Variants in POR observed in about 807,000 individuals in gnomAD.
POR encodes the protein cytochrome p450 oxidoreductase.
In POR, 56 loss-of-function variants were observed where a neutral mutation model predicts 84.0. The ratio of observed to expected loss-of-function variants is 0.67; its 90% CI spans 0.54 to 0.83. The LOEUF (loss-of-function observed/expected upper bound fraction) is 0.83, where lower values mean the gene tolerates loss of function less well. Ranked by LOEUF, POR falls within the 40% of genes least tolerant of loss-of-function variation. POR has a pLI of 0.00. For missense variants in POR, 938 were observed against 944.3 expected, an observed-to-expected ratio of 0.99 and a Z score of 0.09; for synonymous variants, 414 against 400.5, an observed-to-expected ratio of 1.03 and a Z score of -0.40.
At chr7:75,960,292 A>AAATAATAAT (rs142864869) in intron 2 of POR, among the ~76,000 whole-genome samples, 12 of 149,010 alleles carry the variant, frequency 8.1e-5, no homozygotes, top group East Asian at 5.9e-4. Context: ...CCCCCTCTCA[A>AAATAATAAT]AATAATAATA....
intron 2 of POR, among the ~76,000 whole-genome samples, chr7:75,956,359 C>T (rs1787684369): frequency 6.6e-6 from 1 of 152,178 alleles, no homozygotes; most frequent in Non-Finnish European, 1.5e-5. Context: ...ACTGAGCAAA[C>T]ATTTCCTGAG....
In POR at chr7:75,954,052, C is replaced by T. The variant is rs782030124; in HGVS notation, c.60C>T (p.Ala20=). 26 of 1,611,066 alleles carry T rather than the reference C, an allele frequency of 1.6e-5. No individual in the cohort carries two copies. Among genetic ancestry groups the T allele is most frequent in the East Asian group, 4.5e-5 (2 of 44,812 alleles). The change falls in exon 2 of 16, where the codon GCC becomes GCT. Residue 20 remains alanine, a synonymous_variant. Transcript: ENST00000461988. ...GCTCCACCGTGTCCGAGGCGGTGGC[C>T]GAAGAAGTATCTCTTTTCAGCATGA...
At chr7:75,942,952 TC>T (rs1262103444) in intron 1 of POR, among the ~76,000 whole-genome samples, 2 of 147,942 alleles carry the variant, frequency 1.4e-5, no homozygotes, top group Non-Finnish European at 2.9e-5. Context: ...TTTTTCTTTT[TC>T]TTTTTTTTTT....
At position 75,979,915 on chromosome 7, in the gene POR, G is replaced by A. The variant is rs41299487; in HGVS notation, c.366+336G>A. ...CCCTCTCCTTCGAGGTCTTGGTGAC[G>A]GGCACTACCCCACAGCCCTCTCCAG... On this transcript the variant is annotated intron_variant, in intron 4 of 15. Transcript: ENST00000461988. 1,295 of 379,654 alleles carry A rather than the reference G, an allele frequency of 3.4e-3. 17 individuals are homozygous for A. The highest frequency in any genetic ancestry group is 0.022 in the African/African-American group (1,066 of 48,984). 23.5% of individuals were successfully genotyped at this position (379,654 alleles called of 1,614,324 possible).
intron 2 of POR, 147 bp downstream of exon 2, chr7:75,954,327 G>A: frequency 1.3e-6 from 1 of 790,978 alleles, no homozygotes; most frequent in African/African-American, 1.7e-5. Context: ...TTGCTAGATT[G>A]TGCTTGAGCT....
intron 6 of POR, 24 bp downstream of exon 6, chr7:75,981,196 G>T: frequency 2.6e-6 from 4 of 1,521,562 alleles, no homozygotes; most frequent in South Asian, 1.2e-5. Flanking sequence ...CTGCCACCAT[G>T]ATCAGCGCGG....
intron 2 of POR, among the ~76,000 whole-genome samples, chr7:75,968,778 C>G (rs1788302188): frequency 6.6e-6 from 1 of 152,234 alleles, no homozygotes; most frequent in African/African-American, 2.4e-5. Context: ...GGCTGGCACA[C>G]CTTGTCCACT....
chr7:75,977,910 G>A (rs1554557075), intron 3 of POR, among the ~76,000 whole-genome samples: 2 of 152,246 alleles, frequency 1.3e-5, no homozygotes, highest in African/African-American at 4.8e-5. Context: ...TTCAGATCTT[G>A]CAAAGCACGT....
chr7:75,934,180 C>G (rs1028550910), intron 1 of POR, among the ~76,000 whole-genome samples: 1 of 146,846 alleles, frequency 6.8e-6, no homozygotes, highest in African/African-American at 2.5e-5. Flanking sequence ...TGTCTTAGAT[C>G]ACTCAGTCTT....
At chr7:75,944,090 A>G (rs1787072209) in intron 1 of POR, among the ~76,000 whole-genome samples, 1 of 152,148 alleles carries the variant, frequency 6.6e-6, no homozygotes, top group African/African-American at 2.4e-5. Flanking sequence ...GCCCCACCCC[A>G]TGTGTCAGTG....
intron 1 of POR, among the ~76,000 whole-genome samples, chr7:75,945,695 G>A (rs1379561135): frequency 2.0e-5 from 3 of 152,130 alleles, no homozygotes; most frequent in African/African-American, 7.2e-5. Flanking sequence ...TGCAGCCCCT[G>A]GTGCCAGAGC....
chr7:75,927,963 G>T (rs1554549725), intron 1 of POR, among the ~76,000 whole-genome samples: 1 of 144,282 alleles, frequency 6.9e-6, no homozygotes, highest in Non-Finnish European at 1.5e-5. Flanking sequence ...CTCTATCTCA[G>T]GTTTCTTTTT....
intron 12 of POR, 94 bp from the exon 13 acceptor site, chr7:75,985,485 G>A (rs1789381572): frequency 7.2e-7 from 1 of 1,396,454 alleles, no homozygotes. Context: ...AAGAGGCCCT[G>A]GGTGAGTGGG....
intron 1 of POR, among the ~76,000 whole-genome samples, chr7:75,925,353 C>T (rs1326299390): frequency 6.6e-6 from 1 of 151,982 alleles, no homozygotes; most frequent in Non-Finnish European, 1.5e-5. Flanking sequence ...GTCCCTTCAA[C>T]AAGAAAATAC....
intron 2 of POR, among the ~76,000 whole-genome samples, chr7:75,957,632 A>G (rs536447407): frequency 1.3e-5 from 2 of 152,286 alleles, no homozygotes; most frequent in Non-Finnish European, 2.9e-5. Context: ...GGAAGTTGAC[A>G]TAAAACCTGT....
chr7:75,920,965 G>A (rs541441637), intron 1 of POR, among the ~76,000 whole-genome samples: 1 of 152,252 alleles, frequency 6.6e-6, no homozygotes, highest in African/African-American at 2.4e-5. Flanking sequence ...GCCACTGTTG[G>A]TTTTGGTGAA....
intron 1 of POR, chr7:75,946,859 G>C (rs1436657990): frequency 1.3e-5 from 2 of 152,242 alleles, no homozygotes; most frequent in Non-Finnish European, 2.9e-5. Context: ...CGATTGTAGG[G>C]ACTGCCTGAC....
At chr7:75,951,560 CG>C (rs1328832649) in intron 1 of POR, among the ~76,000 whole-genome samples, 1 of 152,180 alleles carries the variant, frequency 6.6e-6, no homozygotes, top group Non-Finnish European at 1.5e-5. Flanking sequence ...CCACAACCCT[CG>C]GATGCCCTGG....
intron 5 of POR, 78 bp downstream of exon 5, chr7:75,980,566 A>G (rs1554557607): frequency 6.2e-7 from 1 of 1,611,492 alleles, no homozygotes; most frequent in African/African-American, 1.3e-5. Context: ...ATGTATCTGA[A>G]AGGCAGCCCT....
Sources: gnomAD v4.1 joint callset for allele counts (sites outside exome capture counted in the v4.1 genomes callset) on GRCh38, gnomAD v4.1.1 for gene constraint, MANE v1.5 for transcripts, NCBI Gene and HGNC (gene_info 2026-07-23, HGNC 2026-07-21) for gene names.